The following UST variants were observed in gnomAD, a reference collection of about 807,000 sequenced individuals.
UST encodes the protein uronyl 2-sulfotransferase, also known as chondroitin sulfate 2-O-sulfotransferase.
Under a neutral mutation model 45.6 loss-of-function variants are expected in UST, and 21 were observed. The ratio of observed to expected loss-of-function variants is 0.46; its 90% CI spans 0.33 to 0.66. The LOEUF (loss-of-function observed/expected upper bound fraction) is 0.66. UST is among the 30% of genes least tolerant of loss of function. The pLI is 0.02. For missense variants in UST, 463 were observed against 512.4 expected, an observed-to-expected ratio of 0.90 and a Z score of 0.93; for synonymous variants, 215 against 200.6, an observed-to-expected ratio of 1.07 and a Z score of -0.61.
intron 1 of UST, among the ~76,000 whole-genome samples, chr6:148,770,083 T>C (rs746921603): frequency 2.0e-5 from 3 of 152,046 alleles, no homozygotes; most frequent in African/African-American, 4.8e-5. Context: ...TTTTAATTTT[T>C]TCAAGATTAA....
chr6:148,800,774 ATT>A (rs35096958), intron 1 of UST, among the ~76,000 whole-genome samples: 2,814 of 116,958 alleles, frequency 0.024, 20 homozygotes, highest in Middle Eastern at 0.048. Context: ...TTCAGATCAG[ATT>A]TTTTTTTTTT....
chr6:148,953,587 G>A (rs1018374767), intron 3 of UST, among the ~76,000 whole-genome samples: 1 of 152,008 alleles, frequency 6.6e-6, no homozygotes, highest in Admixed American at 6.5e-5. Flanking sequence ...TCGAGACCAC[G>A]GTGAAACCCT....
intron 2 of UST, among the ~76,000 whole-genome samples, chr6:148,911,504 T>C (rs1582892890): frequency 6.6e-6 from 1 of 152,228 alleles, no homozygotes; most frequent in African/African-American, 2.4e-5. Flanking sequence ...GGCAACTAGC[T>C]CTTACCTTAT....
In UST at chr6:148,800,728, C is replaced by G. The variant is rs1003282348; in HGVS notation, c.247+53051C>G. The stretch of plus-strand genomic sequence containing the variant: ...CACAGAATGCAGCCTCCTCACCCAC[C>G]CTCTTTTTGATTATAGCCAATGATT... On this transcript the variant is annotated intron_variant, in intron 1 of 7. Coordinates refer to ENST00000367463, the MANE Select transcript of UST (RefSeq NM_005715.3). Among the ~76,000 whole-genome samples the G allele has an allele frequency of 5.3e-5, 8 of 151,326 alleles. No homozygotes were observed. In the East Asian group the frequency reaches 1.5e-3, roughly 29 times the overall value.
At chr6:148,801,324 T>G (rs573051016) in intron 1 of UST, among the ~76,000 whole-genome samples, 1 of 152,290 alleles carries the variant, frequency 6.6e-6, no homozygotes, top group South Asian at 2.1e-4. Context: ...TCTACAGAGT[T>G]GTTTTAGTGT....
At chr6:149,067,402 G>C (rs913326361) in intron 7 of UST, among the ~76,000 whole-genome samples, 1 of 152,188 alleles carries the variant, frequency 6.6e-6, no homozygotes, top group South Asian at 2.1e-4. Context: ...GCCATACCAA[G>C]TTGCCATATT....
In UST at chr6:148,969,958, G is replaced by A. The variant is rs1780881395; in HGVS notation, c.681+5395G>A. 4.6e-5 allele frequency among the ~76,000 whole-genome samples: 7 copies of A among 152,190 alleles called. No individual in the cohort carries two copies. In the South Asian group the frequency reaches 1.2e-3, roughly 27 times the overall value. On this transcript the variant is annotated intron_variant, in intron 5 of 7. Transcript: ENST00000367463. ...CCCTGGGTTGGAAAGTCATATACAC[G>A]CGCACTCTCCCTCTCCGAGGAGTAA...
At chr6:149,070,343 G>A (rs1410572725) in intron 7 of UST, among the ~76,000 whole-genome samples, 1 of 152,198 alleles carries the variant, frequency 6.6e-6, no homozygotes, top group Non-Finnish European at 1.5e-5. Context: ...ATTAGCTAGA[G>A]TTCATATCTT....
At chr6:148,818,056 G>T (rs542942645) in intron 1 of UST, among the ~76,000 whole-genome samples, 1 of 152,272 alleles carries the variant, frequency 6.6e-6, no homozygotes, top group East Asian at 1.9e-4. Context: ...ACATTTACCT[G>T]ATGTGTTACA....
At chr6:148,972,432 G>A (rs1315076165) in intron 5 of UST, among the ~76,000 whole-genome samples, 1 of 152,210 alleles carries the variant, frequency 6.6e-6, no homozygotes, top group Admixed American at 6.5e-5. Flanking sequence ...CTGGTGAACC[G>A]CCTATTTGGC....
At chr6:148,861,318 G>A (rs1010974635) in intron 1 of UST, among the ~76,000 whole-genome samples, 1 of 152,098 alleles carries the variant, frequency 6.6e-6, no homozygotes, top group African/African-American at 2.4e-5. Flanking sequence ...ATGGTAGTTT[G>A]TATTTCTGTG....
chr6:148,819,623 A>C (rs1562267186), intron 1 of UST, among the ~76,000 whole-genome samples: 1 of 152,148 alleles, frequency 6.6e-6, no homozygotes, highest in African/African-American at 2.4e-5. Context: ...TAAGAACTGG[A>C]GTTGTATTTT....
At chr6:148,918,138 G>A (rs9404005) in intron 2 of UST, among the ~76,000 whole-genome samples, 34,501 of 151,940 alleles carry the variant, frequency 0.23, 4,834 homozygotes, top group East Asian at 0.66. Flanking sequence ...CAAAACCATC[G>A]GTAAGGAGGA....
At chr6:148,919,662 T>G (rs538483543) in intron 2 of UST, among the ~76,000 whole-genome samples, 1 of 152,250 alleles carries the variant, frequency 6.6e-6, no homozygotes. Flanking sequence ...TTCTGAAAAC[T>G]GTTATTCAGT....
At chr6:149,060,527 G>T (rs1350090629) in intron 7 of UST, among the ~76,000 whole-genome samples, 3 of 152,204 alleles carry the variant, frequency 2.0e-5, no homozygotes, top group Non-Finnish European at 2.9e-5. Context: ...TATAATTCAG[G>T]AAATGAGTTT....
At chr6:148,787,029 T>C (rs990266007) in intron 1 of UST, among the ~76,000 whole-genome samples, 5 of 152,226 alleles carry the variant, frequency 3.3e-5, no homozygotes, top group African/African-American at 1.2e-4. Context: ...AAGTGTCTGT[T>C]CATGTCCTTT....
chr6:148,923,658 G>A lies in UST; in HGVS notation c.292-17621G>A, dbSNP rs192553989. 1.9e-3 allele frequency among the ~76,000 whole-genome samples: 293 copies of A among 152,280 alleles called. 1 individual carries two copies. The highest frequency in any genetic ancestry group is 2.4e-3 in the Non-Finnish European group (160 of 68,020). The stretch of plus-strand genomic sequence containing the variant: ...GCGGTGGCTCATGCCTGTAATCCCA[G>A]CACTTTGGGAGGCCGAGGCGGGTGG... On this transcript the variant is annotated intron_variant, in intron 2 of 7. Coordinates refer to ENST00000367463, the MANE Select transcript of UST (RefSeq NM_005715.3).
chr6:148,883,295 A>C (rs1778856779), intron 1 of UST, among the ~76,000 whole-genome samples: 1 of 152,244 alleles, frequency 6.6e-6, no homozygotes, highest in South Asian at 2.1e-4. Flanking sequence ...GGTAGTGAGA[A>C]GGATTGTCTA....
intron 2 of UST, among the ~76,000 whole-genome samples, chr6:148,918,565 T>C (rs1779635076): frequency 6.6e-6 from 1 of 152,226 alleles, no homozygotes; most frequent in Non-Finnish European, 1.5e-5. Flanking sequence ...AACAAAATAC[T>C]CTCTTTTTTA....
Sources: allele counts gnomAD v4.1 joint callset (sites outside exome capture counted in the v4.1 genomes callset), GRCh38; gene constraint gnomAD v4.1.1; transcripts MANE v1.5; gene names NCBI Gene and HGNC (gene_info 2026-07-23, HGNC 2026-07-21).